The following GPR39 variants were observed in gnomAD, a reference collection of about 807,000 sequenced individuals.
The protein encoded by GPR39 is G protein-coupled receptor 39.
In GPR39, 23 loss-of-function variants were observed where a neutral mutation model predicts 18.4. That is an observed-to-expected ratio of 1.25 (90% CI 0.90 to 1.77). The LOEUF is 1.77. Among genes scored for constraint, GPR39 ranks in the 40% most tolerant of loss-of-function variants. The pLI, the probability that GPR39 is intolerant of heterozygous loss-of-function variation, is 0.00. For synonymous variants in GPR39, 280 were observed against 257.9 expected, an observed-to-expected ratio of 1.09 and a Z score of -0.82; for missense variants, 647 against 602.4, an observed-to-expected ratio of 1.07 and a Z score of -0.78.
chr2:132,441,376 C>A (rs1680435205), intron 1 of GPR39, among the ~76,000 whole-genome samples: 1 of 108,790 alleles, frequency 9.2e-6, no homozygotes. Flanking sequence ...TCTTTTCATG[C>A]ATATATGCTT....
chr2:132,456,023 C>A (rs1284561026), intron 1 of GPR39, among the ~76,000 whole-genome samples: 1 of 152,130 alleles, frequency 6.6e-6, no homozygotes, highest in Non-Finnish European at 1.5e-5. Flanking sequence ...AGTTCAAGTC[C>A]TGGATATCCT....
At chr2:132,460,831 A>G (rs900265849) in intron 1 of GPR39, among the ~76,000 whole-genome samples, 16 of 152,280 alleles carry the variant, frequency 1.1e-4, no homozygotes, top group Admixed American at 8.5e-4. Flanking sequence ...AAAGAGATGC[A>G]TAACCCCAGA....
At position 132,435,116 on chromosome 2, in the gene GPR39, C is replaced by T. The variant is rs147149910; in HGVS notation, c.856+17218C>T. Among the ~76,000 whole-genome samples the T allele has an allele frequency of 3.6e-4, 55 of 152,210 alleles. No homozygotes were observed. In the East Asian group the frequency reaches 7.5e-3, roughly 21 times the overall value. Reference sequence around the variant, plus strand: ...ACACAGACACTGAAAGTAAAGCAAACGGTGAAAGAAGGGCTGGTACCATAT... The same window carrying T: ...ACACAGACACTGAAAGTAAAGCAAATGGTGAAAGAAGGGCTGGTACCATAT... On this transcript the variant is annotated intron_variant, in intron 1 of 1. Coordinates refer to ENST00000329321, the MANE Select transcript of GPR39 (RefSeq NM_001508.3).
chr2:132,493,391 TACACACCATATATATACACTATATATAC>T (rs889766283), intron 1 of GPR39, among the ~76,000 whole-genome samples: 1 of 145,906 alleles, frequency 6.9e-6, no homozygotes, highest in Non-Finnish European at 1.5e-5. Context: ...ACCGTATATA[TACACACCATATATATACACTATATATAC>T]ACACGCCATA....
At chr2:132,546,839 CAAAAA>C (rs60267293) in intron 1 of GPR39, among the ~76,000 whole-genome samples, 5 of 33,952 alleles carry the variant, frequency 1.5e-4, no homozygotes, top group Admixed American at 4.8e-4. Flanking sequence ...AGCTCCACAG[CAAAAA>C]AAAAAAAAAA....
In GPR39 at chr2:132,602,908, G is replaced by A. The variant is rs544918371; in HGVS notation, c.857-42193G>A. On this transcript the variant is annotated intron_variant, in intron 1 of 1. Transcript: ENST00000329321. ...AAACAAATGCTAGTGAGATTGTAAA[G>A]GAAAGAGAACTCTGACATACTGTTG... is the stretch of plus-strand genomic sequence containing the variant. Among the ~76,000 whole-genome samples the A allele has an allele frequency of 4.1e-5, 6 of 145,708 alleles. No homozygotes were observed. In the South Asian group the frequency reaches 1.1e-3, roughly 26 times the overall value.
At chr2:132,591,692 C>G (rs553569480) in intron 1 of GPR39, among the ~76,000 whole-genome samples, 1 of 152,070 alleles carries the variant, frequency 6.6e-6, no homozygotes, top group Non-Finnish European at 1.5e-5. Flanking sequence ...AATTGTAAAA[C>G]GAGAAACACA....
intron 1 of GPR39, among the ~76,000 whole-genome samples, chr2:132,562,078 A>G (rs3115021): frequency 0.25 from 37,801 of 152,056 alleles, 4,823 homozygotes; most frequent in Non-Finnish European, 0.27. Flanking sequence ...ATCACAGAGA[A>G]CTTTTAGCAA....
intron 1 of GPR39, among the ~76,000 whole-genome samples, chr2:132,608,464 T>C (rs1681179907): frequency 6.6e-6 from 1 of 152,182 alleles, no homozygotes; most frequent in Non-Finnish European, 1.5e-5. Flanking sequence ...AAGGTCTCAG[T>C]CCCACTGTTT....
chr2:132,552,933 CAT>C (rs1269110582), intron 1 of GPR39, among the ~76,000 whole-genome samples: 17 of 110,390 alleles, frequency 1.5e-4, no homozygotes, highest in African/African-American at 2.1e-4. Context: ...CACACACACA[CAT>C]ATATATATTT....
intron 1 of GPR39, among the ~76,000 whole-genome samples, chr2:132,581,790 A>C (rs1320254720): frequency 1.8e-4 from 28 of 152,180 alleles, no homozygotes; most frequent in Non-Finnish European, 7.4e-5. Context: ...AGAAGCTTTT[A>C]TTCAGTGGCT....
At chr2:132,442,995 TAA>T (rs1680467870) in intron 1 of GPR39, among the ~76,000 whole-genome samples, 1 of 152,210 alleles carries the variant, frequency 6.6e-6, no homozygotes, top group Non-Finnish European at 1.5e-5. Context: ...TTAAAATGAA[TAA>T]AAATTAGCTT....
intron 1 of GPR39, among the ~76,000 whole-genome samples, chr2:132,419,465 T>G (rs976959460): frequency 1.3e-5 from 2 of 152,240 alleles, no homozygotes; most frequent in Non-Finnish European, 2.9e-5. Flanking sequence ...TTGACAAGCA[T>G]AGGTAAGCCT....
chr2:132,460,346 T>A (rs1389431328), intron 1 of GPR39, among the ~76,000 whole-genome samples: 1 of 152,164 alleles, frequency 6.6e-6, no homozygotes, highest in African/African-American at 2.4e-5. Context: ...GATAGATGAA[T>A]CTGATGTGTC....
At chr2:132,606,790 G>C (rs955961652) in intron 1 of GPR39, among the ~76,000 whole-genome samples, 3 of 152,204 alleles carry the variant, frequency 2.0e-5, no homozygotes. Flanking sequence ...ATGGGGAGCT[G>C]GTAGGGGGAC....
intron 1 of GPR39, among the ~76,000 whole-genome samples, chr2:132,611,172 A>G (rs1681233405): frequency 6.6e-6 from 1 of 152,148 alleles, no homozygotes; most frequent in Non-Finnish European, 1.5e-5. Flanking sequence ...TCTGGGGGAG[A>G]ACACAGTGCA....
At chr2:132,499,569 A>G (rs1390392352) in intron 1 of GPR39, among the ~76,000 whole-genome samples, 1 of 151,906 alleles carries the variant, frequency 6.6e-6, no homozygotes, top group Non-Finnish European at 1.5e-5. Context: ...TTTTGATTCC[A>G]TATGAATTTT....
At chr2:132,498,032 G>T (rs1034253705) in intron 1 of GPR39, among the ~76,000 whole-genome samples, 2 of 151,886 alleles carry the variant, frequency 1.3e-5, no homozygotes, top group African/African-American at 2.4e-5. Flanking sequence ...GACAATATGG[G>T]GCTTGACAAT....
intron 1 of GPR39, among the ~76,000 whole-genome samples, chr2:132,548,482 T>C (rs189713682): frequency 1.2e-4 from 19 of 152,350 alleles, no homozygotes; most frequent in Middle Eastern, 3.4e-3. Flanking sequence ...GTACCCTGTA[T>C]TAGATGTCTA....
Sources: allele counts gnomAD v4.1 joint callset (sites outside exome capture counted in the v4.1 genomes callset), GRCh38; gene constraint gnomAD v4.1.1; transcripts MANE v1.5; gene names NCBI Gene and HGNC (gene_info 2026-07-23, HGNC 2026-07-21).